Variants in CCDC178 observed in about 807,000 individuals in gnomAD.
CCDC178 encodes coiled-coil domain-containing protein 178.
A neutral mutation model predicts 117.4 loss-of-function variants in CCDC178; 126 were observed. That is an observed-to-expected ratio of 1.07 (90% CI 0.93 to 1.24). The LOEUF (loss-of-function observed/expected upper bound fraction) is 1.24, where lower values mean the gene tolerates loss of function less well. CCDC178 is among the 50% of genes most tolerant of loss of function. CCDC178 has a pLI of 0.00. For missense variants in CCDC178, 1,030 were observed against 986.9 expected (o/e 1.04, Z -0.59); for synonymous variants, 283 against 313.4 (o/e 0.90, Z 1.02).
chr18:32,956,069 G>T (rs2054587135), intron 22 of CCDC178, among the ~76,000 whole-genome samples: 1 of 152,024 alleles, frequency 6.6e-6, no homozygotes, highest in South Asian at 2.1e-4. Flanking sequence ...TGAAAATTGA[G>T]TTATGTACAT....
chr18:32,948,007 T>C (rs1413758387), intron 22 of CCDC178, among the ~76,000 whole-genome samples: 3 of 152,154 alleles, frequency 2.0e-5, no homozygotes, highest in Non-Finnish European at 4.4e-5. Flanking sequence ...TATCAGGTTT[T>C]CATAAATGTG....
rs536394172 is a variant in CCDC178, at chr18:33,332,425, A to T, written c.879+749T>A. 3.3e-5 allele frequency among the ~76,000 whole-genome samples: 5 copies of T among 152,220 alleles called. No homozygotes were observed. In the East Asian group the frequency reaches 9.7e-4, roughly 29 times the overall value. On this transcript the variant is annotated intron_variant, in intron 10 of 22. Coordinates refer to ENST00000383096, the MANE Select transcript of CCDC178 (RefSeq NM_001105528.4). ...TTATTTTCATATTCCACAATAGGAGAGTTAAATATCTAATTAACCTTTAAA... is the reference window on the plus strand; with the variant it reads ...TTATTTTCATATTCCACAATAGGAGTGTTAAATATCTAATTAACCTTTAAA...
chr18:32,995,944 T>TCTATATCTATAC (rs1488494375), intron 21 of CCDC178, among the ~76,000 whole-genome samples: 1 of 151,660 alleles, frequency 6.6e-6, no homozygotes, highest in East Asian at 1.9e-4. Context: ...TATATCTATA[T>TCTATATCTATAC]CTATGTCTCT....
chr18:32,968,751 A>T (rs2054868056), intron 22 of CCDC178, among the ~76,000 whole-genome samples: 1 of 152,066 alleles, frequency 6.6e-6, no homozygotes, highest in South Asian at 2.1e-4. Flanking sequence ...ATATCTCTAA[A>T]TGTATATATA....
At chr18:33,316,878 C>T (rs1470652225) in intron 11 of CCDC178, among the ~76,000 whole-genome samples, 1 of 151,914 alleles carries the variant, frequency 6.6e-6, no homozygotes, top group East Asian at 1.9e-4. Context: ...TGTAAATATA[C>T]CAATCGACAC....
At chr18:33,424,716 G>A (rs1250682416) in intron 2 of CCDC178, among the ~76,000 whole-genome samples, 1 of 152,224 alleles carries the variant, frequency 6.6e-6, no homozygotes, top group Non-Finnish European at 1.5e-5. Context: ...AGAGGCTGAC[G>A]TGCAGGCATG....
intron 5 of CCDC178, among the ~76,000 whole-genome samples, chr18:33,372,720 T>C (rs11874944): frequency 6.6e-6 from 1 of 152,100 alleles, no homozygotes; most frequent in South Asian, 2.1e-4. Flanking sequence ...ATCAACTAGT[T>C]GTTTGTGTGG....
rs772064858 is a variant in CCDC178, at chr18:33,215,634, T to TA, written c.1993dup (p.Tyr665LeufsTer6). 2.6e-6 allele frequency: 4 copies of TA among 1,535,294 alleles called. No individual in the cohort carries two copies. The highest frequency in any genetic ancestry group is 2.6e-5 in the South Asian group (2 of 78,262). On this transcript the variant is annotated frameshift_variant, in exon 19 of 23. Transcript: ENST00000383096. LOFTEE classifies it high-confidence loss of function. ...CTCATTCAATTCATTTATTTTTGCA[T>TA]AAAAAATCATTGTCTTACTTTTAGT...
intron 20 of CCDC178, among the ~76,000 whole-genome samples, chr18:33,094,365 T>A (rs1035074308): frequency 6.6e-6 from 1 of 152,008 alleles, no homozygotes; most frequent in African/African-American, 2.4e-5. Context: ...AAGATAGCTA[T>A]ACTAATTTAA....
At chr18:33,033,921 A>ATC (rs1192997334) in intron 21 of CCDC178, among the ~76,000 whole-genome samples, 2 of 149,382 alleles carry the variant, frequency 1.3e-5, no homozygotes, top group South Asian at 4.2e-4. Context: ...CCAAGACAAT[A>ATC]TCTGTGTGTG....
chr18:33,111,555 CA>C (rs1423634242), intron 20 of CCDC178, among the ~76,000 whole-genome samples: 3 of 151,566 alleles, frequency 2.0e-5, no homozygotes, highest in Non-Finnish European at 4.4e-5. Context: ...TTGGGTAAGT[CA>C]AACATTCCCC....
intron 7 of CCDC178, among the ~76,000 whole-genome samples, chr18:33,353,120 T>C (rs543174659): frequency 1.3e-5 from 2 of 152,082 alleles, no homozygotes; most frequent in Non-Finnish European, 2.9e-5. Context: ...AGTTTATATA[T>C]CTTCTTGGTG....
At chr18:32,993,602 TG>T (rs974392663) in intron 21 of CCDC178, among the ~76,000 whole-genome samples, 45 of 152,312 alleles carry the variant, frequency 3.0e-4, no homozygotes, top group African/African-American at 1.0e-3. Flanking sequence ...GCCCCAGTTT[TG>T]GGGCTCACCT....
intron 8 of CCDC178, 68 bp downstream of exon 8, chr18:33,348,822 A>T: frequency 9.4e-6 from 9 of 958,114 alleles, no homozygotes; most frequent in Non-Finnish European, 1.5e-5. Flanking sequence ...GACAATCAGA[A>T]ATATATTAAA....
chr18:33,379,760 A>C (rs1005977901), intron 5 of CCDC178, among the ~76,000 whole-genome samples: 1 of 152,154 alleles, frequency 6.6e-6, no homozygotes, highest in Admixed American at 6.5e-5. Context: ...CCAAACAACA[A>C]GATCTCTGCA....
At chr18:33,341,202 T>C (rs1018095806) in intron 9 of CCDC178, among the ~76,000 whole-genome samples, 1 of 129,946 alleles carries the variant, frequency 7.7e-6, no homozygotes, top group Non-Finnish European at 1.6e-5. Context: ...CCCCATTGGA[T>C]TTTGGACTTG....
At chr18:33,346,865 T>C (rs1418006612) in intron 8 of CCDC178, among the ~76,000 whole-genome samples, 1 of 152,174 alleles carries the variant, frequency 6.6e-6, no homozygotes, top group Non-Finnish European at 1.5e-5. Flanking sequence ...TAAGAACTTC[T>C]CTACTTAGCT....
intron 20 of CCDC178, among the ~76,000 whole-genome samples, chr18:33,165,063 A>G (rs2058512622): frequency 6.6e-6 from 1 of 152,218 alleles, no homozygotes; most frequent in Non-Finnish European, 1.5e-5. Flanking sequence ...AAGTCTGTAC[A>G]TTTTGGAAGG....
At chr18:33,204,733 G>A (rs1456553436) in intron 20 of CCDC178, among the ~76,000 whole-genome samples, 2 of 152,120 alleles carry the variant, frequency 1.3e-5, no homozygotes, top group African/African-American at 2.4e-5. Flanking sequence ...ACTGAAGTGG[G>A]AGAGGTTATA....
Sources: gnomAD v4.1 joint callset for allele counts (sites outside exome capture counted in the v4.1 genomes callset) on GRCh38, gnomAD v4.1.1 for gene constraint, MANE v1.5 for transcripts, NCBI Gene and HGNC (gene_info 2026-07-23, HGNC 2026-07-21) for gene names.